The following SPAG9 variants were observed in gnomAD, a reference collection of about 807,000 sequenced individuals.
SPAG9 encodes C-Jun-amino-terminal kinase-interacting protein 4.
In SPAG9, 35 loss-of-function variants were observed where a neutral mutation model predicts 166.5. That is an observed-to-expected ratio of 0.21 (90% CI 0.16 to 0.28). The LOEUF (loss-of-function observed/expected upper bound fraction) is 0.28. SPAG9 is among the 10% of genes least tolerant of loss of function. The pLI is 1.00. For synonymous variants in SPAG9, 534 were observed against 565.5 expected (o/e 0.94, Z 0.79); for missense variants, 1,235 against 1,603.3 (o/e 0.77, Z 3.92).
Position 51,113,691 on chromosome 17 carries a change from A to C in SPAG9, c.303+6663T>G, listed in dbSNP as rs1042274374. Among the ~76,000 whole-genome samples, 1,018 of 151,570 alleles carry C rather than the reference A, an allele frequency of 6.7e-3. 9 individuals carry two copies. Among genetic ancestry groups the C allele is most frequent in the African/African-American group, 0.021 (884 of 41,318 alleles). On this transcript the variant is annotated intron_variant, in intron 1 of 29. Transcript: ENST00000262013. The stretch of plus-strand genomic sequence containing the variant: ...CAAGACCCCATCTCAAAAAAAAAAA[A>C]AACAACAACAACAAAAGAAAATAGG...
intron 5 of SPAG9, 146 bp from the exon 6 acceptor site, chr17:51,031,868 T>C (rs1479496699): frequency 2.7e-6 from 2 of 728,732 alleles, no homozygotes; most frequent in Admixed American, 4.0e-5. Context: ...GGAAGCTTTG[T>C]TTTATTTTGA....
chr17:51,020,188 G>C lies in SPAG9; in HGVS notation c.1062C>G (p.Asp354Glu). 1 of 1,612,340 alleles carries C rather than the reference G, an allele frequency of 6.2e-7. No homozygotes were observed. The highest frequency in any genetic ancestry group is 8.5e-7 in the Non-Finnish European group (1 of 1,178,552). ...AACCTTTATATCCACTGAGATCTTTGTCCATATCCAGCTCAGGAGTAGATT... is the reference window on the plus strand; with the variant it reads ...AACCTTTATATCCACTGAGATCTTTCTCCATATCCAGCTCAGGAGTAGATT... ...IIESTPELDM[D>E]KDLSGYKGSS... The change falls in exon 8 of 30, where the codon GAC (aspartate) becomes GAG (glutamate). Residue 354 changes from aspartate to glutamate, a missense_variant. Asp to Glu is a conservative substitution (Grantham distance 45). Transcript: ENST00000262013.
rs1048283393 is a variant in SPAG9 at position 50,982,574 on chromosome 17, C to T, written c.3187G>A (p.Gly1063Ser). The change falls in exon 25 of 30, where the codon GGC (glycine) becomes AGC (serine). Residue 1063 changes from glycine (G) to serine (S), a missense_variant. By Grantham distance (56) the Gly-to-Ser change is moderately conservative. This residue lies in a region of SPAG9 where 243 missense variants were observed against 358.6 expected (regional missense o/e 0.68). Transcript: ENST00000262013. ...ACCACATAGATTTTGTTCCTATAGC[C>T]ACACCAGACTTTGTCATGTACCACA... Reference protein sequence around the residue: ...MTVVHDKVWCGYRNKIYVVQP... With the variant: ...MTVVHDKVWCSYRNKIYVVQP... The T allele has an allele frequency of 6.2e-7, 1 of 1,614,014 alleles. No individual in the cohort carries two copies. The highest frequency in any genetic ancestry group is 8.5e-7 in the Non-Finnish European group (1 of 1,179,978).
intron 5 of SPAG9, among the ~76,000 whole-genome samples, chr17:51,036,183 C>T (rs1229591065): frequency 6.6e-6 from 1 of 152,138 alleles, no homozygotes; most frequent in East Asian, 1.9e-4. Context: ...CCATTCTATA[C>T]TTTTCCCTCT....
intron 15 of SPAG9, 152 bp from the exon 16 acceptor site, chr17:50,996,846 A>G (rs1597946595): frequency 1.3e-6 from 1 of 793,188 alleles, no homozygotes; most frequent in East Asian, 2.8e-5. Context: ...CTCCTTAAAA[A>G]GTGTTATAAT....
intron 6 of SPAG9, among the ~76,000 whole-genome samples, chr17:51,021,657 T>C (rs960692094): frequency 5.9e-5 from 9 of 152,196 alleles, no homozygotes; most frequent in African/African-American, 2.2e-4. Flanking sequence ...TCATTCTTAA[T>C]GGCAATTGCA....
chr17:51,009,023 A>C (rs1447546428), intron 9 of SPAG9: 2 of 368,538 alleles, frequency 5.4e-6, no homozygotes, highest in Non-Finnish European at 1.1e-5. Context: ...GAAAGGCAAA[A>C]AAATAGTTGA....
intron 1 of SPAG9, among the ~76,000 whole-genome samples, chr17:51,081,910 G>A: frequency 6.6e-6 from 1 of 151,966 alleles, no homozygotes; most frequent in East Asian, 1.9e-4. Flanking sequence ...CCCATTCTCT[G>A]ATTCAAGCAT....
In SPAG9 at chr17:51,079,652, G is replaced by A. The variant is rs1466716845; in HGVS notation, c.356C>T (p.Thr119Ile). The A allele has an allele frequency of 1.9e-6, 3 of 1,608,152 alleles. No homozygotes were observed. The highest frequency in any genetic ancestry group is 1.1e-5 in the South Asian group (1 of 90,944). Residue 119 changes from threonine (T) to isoleucine (I), a missense_variant, in exon 2 of 30, where the codon ACC becomes ATC. Physicochemically the swap from Thr to Ile is moderately conservative, Grantham distance 89. Coordinates refer to ENST00000262013, the MANE Select transcript of SPAG9 (RefSeq NM_001130528.3). ...SQEQEKKDLQTRVESLESQTR... is the reference protein window; with the variant it reads ...SQEQEKKDLQIRVESLESQTR... ...TTGAGATTCTAAAGATTCCACTCGG[G>A]TCTGTAAGTCCTTTTTTTCCTGTTC...
At chr17:51,077,077 G>GCTAT (rs879918183) in intron 2 of SPAG9, among the ~76,000 whole-genome samples, 1 of 116,252 alleles carries the variant, frequency 8.6e-6, no homozygotes, top group African/African-American at 3.7e-5. Context: ...TAGCTATCTA[G>GCTAT]CTATCTAGCT....
chr17:51,071,489 A>G (rs576051245), intron 2 of SPAG9, among the ~76,000 whole-genome samples: 1 of 152,194 alleles, frequency 6.6e-6, no homozygotes, highest in Non-Finnish European at 1.5e-5. Context: ...ACAGCATTTT[A>G]AAAAATCCTT....
chr17:51,068,217 C>A (rs2047728208), intron 2 of SPAG9, among the ~76,000 whole-genome samples: 1 of 152,126 alleles, frequency 6.6e-6, no homozygotes, highest in Non-Finnish European at 1.5e-5. Context: ...GTAAGCAAGG[C>A]TGACTTAAGA....
chr17:50,995,659 G>GTTTTTTGT, intron 16 of SPAG9, 126 bp from the exon 17 acceptor site: 1 of 668,664 alleles, frequency 1.5e-6, no homozygotes, highest in Non-Finnish European at 2.6e-6. Context: ...TCAAGTTCAG[G>GTTTTTTGT]TTTTTTGTTT....
chr17:51,108,438 T>C (rs1007491452), intron 1 of SPAG9, among the ~76,000 whole-genome samples: 3 of 151,514 alleles, frequency 2.0e-5, no homozygotes, highest in Non-Finnish European at 2.9e-5. Context: ...TATAGGGTCA[T>C]TTTCTGTATT....
intron 9 of SPAG9, 86 bp downstream of exon 9, chr17:51,014,146 G>A: frequency 8.2e-7 from 1 of 1,224,046 alleles, no homozygotes; most frequent in Non-Finnish European, 1.1e-6. Context: ...GAGCAGTTGG[G>A]GACATTTTAA....
chr17:51,023,073 A>G (rs2046005348), intron 6 of SPAG9, among the ~76,000 whole-genome samples: 1 of 149,182 alleles, frequency 6.7e-6, no homozygotes, highest in South Asian at 2.1e-4. Flanking sequence ...TATCATCTGT[A>G]AAATATAGAT....
intron 16 of SPAG9, chr17:50,995,827 C>A (rs1160583583): frequency 7.0e-6 from 2 of 285,732 alleles, no homozygotes; most frequent in Non-Finnish European, 1.3e-5. Context: ...CCACACCCAG[C>A]TAATTTTTTA....
intron 29 of SPAG9, among the ~76,000 whole-genome samples, chr17:50,969,612 T>C (rs1413489080): frequency 6.6e-6 from 1 of 152,106 alleles, no homozygotes; most frequent in Admixed American, 6.6e-5. Context: ...AGTCCCTCCC[T>C]CCCTTTTGAC....
At chr17:51,054,116 CT>C (rs1157639358) in intron 3 of SPAG9, among the ~76,000 whole-genome samples, 13,679 of 74,160 alleles carry the variant, frequency 0.18, 240 homozygotes, top group African/African-American at 0.21. Context: ...AATGTGAGGG[CT>C]TTTTTTTTTT....
Sources: allele counts gnomAD v4.1 joint callset (sites outside exome capture counted in the v4.1 genomes callset), GRCh38; gene constraint gnomAD v4.1.1; regional missense constraint gnomAD v4.1.1; transcripts MANE v1.5; gene names NCBI Gene and HGNC (gene_info 2026-07-23, HGNC 2026-07-21).